Variants in MTCL3 observed in about 807,000 individuals in gnomAD.
MTCL3 encodes microtubule cross-linking factor 3.
chr6:127,515,722 G>T, the MTCL3 span: 1 of 1,591,236 alleles, frequency 6.3e-7, no homozygotes, highest in East Asian at 2.3e-5. This position sits in a 1 kb window ranked among gnomAD's most constrained non-coding sequence, Gnocchi z 4.3. Context: ...CTCGCAAACG[G>T]CAGGGGGGCC....
chr6:127,499,281 AG>A, the MTCL3 span, among the ~76,000 whole-genome samples: 1 of 152,200 alleles, frequency 6.6e-6, no homozygotes, highest in African/African-American at 2.4e-5. Flanking sequence ...AAGACTAGGA[AG>A]CTGTCAGGAA....
the MTCL3 span, among the ~76,000 whole-genome samples, chr6:127,514,109 C>T: frequency 1.3e-5 from 2 of 152,314 alleles, 1 homozygote; most frequent in South Asian, 4.1e-4. Context: ...AATGAATCTG[C>T]CTACAGTCAA....
chr6:127,484,395 A>G, the MTCL3 span, among the ~76,000 whole-genome samples: 1 of 152,158 alleles, frequency 6.6e-6, no homozygotes, highest in African/African-American at 2.4e-5. Context: ...TAATCTTCTT[A>G]GAAAGGAAAG....
chr6:127,486,915 A>G, the MTCL3 span, among the ~76,000 whole-genome samples: 1 of 152,200 alleles, frequency 6.6e-6, no homozygotes, highest in South Asian at 2.1e-4. Flanking sequence ...ATGCTACCAA[A>G]AGACATATTA....
the MTCL3 span, chr6:127,475,661 T>C: frequency 1.3e-6 from 2 of 1,592,360 alleles, no homozygotes; most frequent in South Asian, 1.1e-5. This position sits in a 1 kb window ranked among gnomAD's most constrained non-coding sequence, Gnocchi z 7.3. Flanking sequence ...AGGCAGCGGA[T>C]GTTGCGCACC....
At chr6:127,515,436 G>C in the MTCL3 span, 1 of 1,330,980 alleles carries the variant, frequency 7.5e-7, no homozygotes, top group Non-Finnish European at 9.8e-7. This position sits in a 1 kb window ranked among gnomAD's most constrained non-coding sequence, Gnocchi z 4.3. Flanking sequence ...AGCAGCCTCT[G>C]ATCCCTGCCG....
chr6:127,516,278 C>A, the MTCL3 span: 1 of 1,508,890 alleles, frequency 6.6e-7, no homozygotes, highest in Non-Finnish European at 8.8e-7. Flanking sequence ...CCCGGAGCGG[C>A]CCCTTTGGGC....
At chr6:127,478,102 G>T in the MTCL3 span, among the ~76,000 whole-genome samples, 1 of 152,216 alleles carries the variant, frequency 6.6e-6, no homozygotes, top group African/African-American at 2.4e-5. Flanking sequence ...GAGAGGAGAA[G>T]AGGGCATGTC....
At chr6:127,489,924 T>C in the MTCL3 span, among the ~76,000 whole-genome samples, 1 of 152,212 alleles carries the variant, frequency 6.6e-6, no homozygotes, top group Non-Finnish European at 1.5e-5. Context: ...AATAATAGAC[T>C]TTCAATGTAG....
At chr6:127,503,908 T>A in the MTCL3 span, among the ~76,000 whole-genome samples, 1 of 152,208 alleles carries the variant, frequency 6.6e-6, no homozygotes, top group East Asian at 1.9e-4. Flanking sequence ...ACACCTTGCT[T>A]AATTACCATT....
At chr6:127,490,896 G>A in the MTCL3 span, among the ~76,000 whole-genome samples, 1 of 152,128 alleles carries the variant, frequency 6.6e-6, no homozygotes, top group Non-Finnish European at 1.5e-5. Context: ...ACATTAACAG[G>A]AGTTTGGAAG....
chr6:127,473,823 C>A, the MTCL3 span, among the ~76,000 whole-genome samples: 1 of 152,180 alleles, frequency 6.6e-6, no homozygotes, highest in East Asian at 1.9e-4. Context: ...CCAATGGATA[C>A]AGGACACCAG....
the MTCL3 span, among the ~76,000 whole-genome samples, chr6:127,502,127 G>C: frequency 1.3e-5 from 2 of 152,106 alleles, no homozygotes; most frequent in African/African-American, 4.8e-5. Context: ...ATGTATCACT[G>C]TGTGTGTAAG....
At chr6:127,517,388 T>C in the MTCL3 span, 2 of 152,230 alleles carry the variant, frequency 1.3e-5, no homozygotes, top group Non-Finnish European at 2.9e-5. Context: ...ATTGTCTATA[T>C]GGGTTAGTTA....
the MTCL3 span, among the ~76,000 whole-genome samples, chr6:127,491,507 TA>T: frequency 2.0e-5 from 3 of 152,228 alleles, no homozygotes; most frequent in African/African-American, 7.2e-5. Context: ...ATACTTTTTT[TA>T]GATACCATGT....
chr6:127,496,443 A>G, the MTCL3 span, among the ~76,000 whole-genome samples: 1 of 152,230 alleles, frequency 6.6e-6, no homozygotes, highest in African/African-American at 2.4e-5. Flanking sequence ...AATATAAGCT[A>G]TCGAATGTAT....
the MTCL3 span, among the ~76,000 whole-genome samples, chr6:127,512,586 T>G: frequency 6.6e-6 from 1 of 152,200 alleles, no homozygotes; most frequent in Admixed American, 6.5e-5. Context: ...TTCACACGCT[T>G]GACACTCTTT....
At chr6:127,502,471 C>T in the MTCL3 span, among the ~76,000 whole-genome samples, 5 of 152,134 alleles carry the variant, frequency 3.3e-5, no homozygotes, top group Non-Finnish European at 7.4e-5. Context: ...GGACTAAATA[C>T]AGGCCTAGTG....
chr6:127,485,802 A>G, the MTCL3 span, among the ~76,000 whole-genome samples: 1 of 152,186 alleles, frequency 6.6e-6, no homozygotes, highest in Non-Finnish European at 1.5e-5. Flanking sequence ...GAACTAACTC[A>G]GGGCAATAAA....
Sources: gnomAD v4.1 joint callset for allele counts (sites outside exome capture counted in the v4.1 genomes callset) on GRCh38, gnomAD v4.1.1 for gene constraint, Gnocchi (gnomAD v3.1) non-coding constraint, MANE v1.5 for transcripts, NCBI Gene and HGNC (gene_info 2026-07-23, HGNC 2026-07-21) for gene names.